Variants in ZSWIM7 observed in about 807,000 individuals in gnomAD.
ZSWIM7 encodes zinc finger SWIM-type containing 7.
In ZSWIM7, 22 loss-of-function variants were observed where a neutral mutation model predicts 21.1. That is an observed-to-expected ratio of 1.04 (90% CI 0.74 to 1.49). ZSWIM7 has a LOEUF of 1.49. Ranked by LOEUF, ZSWIM7 falls within the 40% of genes most tolerant of loss-of-function variation. The pLI is 0.00. For missense variants in ZSWIM7, 193 were observed against 168.0 expected, an observed-to-expected ratio of 1.15 and a Z score of -0.82; for synonymous variants, 67 against 66.5, an observed-to-expected ratio of 1.01 and a Z score of -0.04.
chr17:15,999,609 C>A lies in ZSWIM7; in HGVS notation c.-15G>T. ...ACTACGGCCATCGCGCCGCAGGACA[C>A]GCCCTCCACGACCGGCGGACCGCCG... On this transcript the variant is annotated 5_prime_UTR_variant, in exon 1 of 5. Transcript: ENST00000399277. 6.4e-7 allele frequency: 1 copy of A among 1,568,332 alleles called. No homozygotes were observed. Among genetic ancestry groups the A allele is most frequent in the Non-Finnish European group, 8.6e-7 (1 of 1,158,256 alleles).
intron 4 of ZSWIM7, 65 bp from the exon 5 acceptor site, chr17:15,978,228 G>T: frequency 8.8e-7 from 1 of 1,130,596 alleles, no homozygotes; most frequent in Middle Eastern, 2.0e-4. Context: ...GTCTAACCAA[G>T]ATTTCTCATT....
At chr17:15,981,248 G>T in intron 3 of ZSWIM7, 104 bp from the exon 4 acceptor site, 1 of 696,952 alleles carries the variant, frequency 1.4e-6, no homozygotes. Flanking sequence ...AAATTGCACC[G>T]AGAAGAACTG....
At chr17:15,997,304 A>T (rs1970567676) in intron 1 of ZSWIM7, among the ~76,000 whole-genome samples, 1 of 152,210 alleles carries the variant, frequency 6.6e-6, no homozygotes, top group African/African-American at 2.4e-5. Flanking sequence ...AGTCCATATT[A>T]AGCAAGTCCG....
chr17:15,992,043 C>A (rs1970493202), intron 2 of ZSWIM7, among the ~76,000 whole-genome samples: 1 of 151,886 alleles, frequency 6.6e-6, no homozygotes, highest in Admixed American at 6.6e-5. Context: ...TCTCCTGCCT[C>A]AGCCCCCCGA....
At chr17:15,995,260 C>A (rs1970535001) in intron 1 of ZSWIM7, among the ~76,000 whole-genome samples, 1 of 151,912 alleles carries the variant, frequency 6.6e-6, no homozygotes, top group African/African-American at 2.4e-5. Context: ...CACAGTAAGA[C>A]CCCGTCTCTC....
At chr17:15,993,633 T>C (rs1970511794) in intron 2 of ZSWIM7, 124 bp downstream of exon 2, 1 of 725,654 alleles carries the variant, frequency 1.4e-6, no homozygotes, top group Non-Finnish European at 2.3e-6. Flanking sequence ...CCCAAAGTGC[T>C]GGGATTATAG....
At chr17:15,980,826 A>G (rs1970346755) in intron 4 of ZSWIM7, among the ~76,000 whole-genome samples, 1 of 152,204 alleles carries the variant, frequency 6.6e-6, no homozygotes, top group African/African-American at 2.4e-5. Context: ...GATCTTTTAC[A>G]TAAAAATTCA....
chr17:15,979,571 A>G (rs1970322866), intron 4 of ZSWIM7, among the ~76,000 whole-genome samples: 1 of 151,338 alleles, frequency 6.6e-6, no homozygotes, highest in Non-Finnish European at 1.5e-5. Flanking sequence ...GTGGCCGGGC[A>G]GAGGCGCCCC....
At chr17:15,990,264 T>C (rs1259722586) in intron 2 of ZSWIM7, among the ~76,000 whole-genome samples, 1 of 151,224 alleles carries the variant, frequency 6.6e-6, no homozygotes, top group African/African-American at 2.4e-5. Context: ...TAAGAGTGAT[T>C]ATTACTGGGT....
intron 3 of ZSWIM7, 61 bp from the exon 4 acceptor site, chr17:15,981,205 C>T: frequency 7.9e-7 from 1 of 1,262,826 alleles, no homozygotes; most frequent in Non-Finnish European, 1.1e-6. Context: ...ACCTCTTTCC[C>T]TTTTTATTTA....
At chr17:15,984,879 C>T (rs1970391842) in intron 3 of ZSWIM7, among the ~76,000 whole-genome samples, 1 of 152,206 alleles carries the variant, frequency 6.6e-6, no homozygotes, top group African/African-American at 2.4e-5. Flanking sequence ...CAGCTGGCTC[C>T]TGGTGGATAC....
At position 15,987,250 on chromosome 17, in the gene ZSWIM7, A is replaced by T. The variant is rs536135306; in HGVS notation, c.201+16T>A. 1 of 1,602,986 alleles carries T rather than the reference A, an allele frequency of 6.2e-7. No homozygotes were observed. Among genetic ancestry groups the T allele is most frequent in the Non-Finnish European group, 8.5e-7 (1 of 1,174,254 alleles). Reference sequence around the variant, plus strand: ...AGGGGTTTCTGTAGGGATCACCCCCATCTCTAGACTTCTACCTGGTAAACA... The same window carrying T: ...AGGGGTTTCTGTAGGGATCACCCCCTTCTCTAGACTTCTACCTGGTAAACA... On this transcript the variant is annotated intron_variant, in intron 3 of 4. Coordinates refer to ENST00000399277, the MANE Select transcript of ZSWIM7 (RefSeq NM_001042697.2).
At chr17:15,998,606 C>T (rs1432826078) in intron 1 of ZSWIM7, among the ~76,000 whole-genome samples, 1 of 152,104 alleles carries the variant, frequency 6.6e-6, no homozygotes, top group Non-Finnish European at 1.5e-5. Context: ...ATACTCTGAA[C>T]ACATCTTGAG....
chr17:15,999,573 C>T lies in ZSWIM7; in HGVS notation c.22G>A (p.Val8Ile), dbSNP rs1014590402. The change falls in exon 1 of 5, where the codon GTT becomes ATT. Residue 8 changes from valine (V) to isoleucine (I), a missense_variant. Coordinates refer to ENST00000399277, the MANE Select transcript of ZSWIM7 (RefSeq NM_001042697.2). The part of the protein sequence containing the change: MAVVLPA[V>I]VEELLSEMAA... ...ATCTCGCTCAGGAGCTCCTCCACAACCGCCGGCAACACTACGGCCATCGCG... is the reference window on the plus strand; with the variant it reads ...ATCTCGCTCAGGAGCTCCTCCACAATCGCCGGCAACACTACGGCCATCGCG... The T allele has an allele frequency of 1.3e-6, 2 of 1,591,492 alleles. No individual in the cohort carries two copies. Among genetic ancestry groups the T allele is most frequent in the Non-Finnish European group, 8.5e-7 (1 of 1,170,208 alleles).
chr17:15,998,507 T>C (rs1022935045), intron 1 of ZSWIM7, among the ~76,000 whole-genome samples: 1 of 152,154 alleles, frequency 6.6e-6, no homozygotes, highest in Non-Finnish European at 1.5e-5. Context: ...ATGGCTGTTA[T>C]TTATAAGGTG....
intron 2 of ZSWIM7, among the ~76,000 whole-genome samples, chr17:15,992,438 G>GC (rs1338767955): frequency 4.8e-5 from 5 of 104,732 alleles, no homozygotes; most frequent in Non-Finnish European, 7.3e-5. Context: ...GAACAGCTAC[G>GC]CTTTTTTTTT....
rs1044039738 is a variant in ZSWIM7, at chr17:15,981,115, T to C, written c.231A>G (p.Thr77=). ...QVLGSSSKTY[T]CLASCHYCSC... The stretch of plus-strand genomic sequence containing the variant: ...AACAGTAATGACAAGAAGCCAAACA[T>C]GTGTATGTTTTACTGGAACTTCCAA... Residue 77 remains threonine (T), a synonymous_variant, in exon 4 of 5, where the codon ACA becomes ACG. Coordinates refer to ENST00000399277, the MANE Select transcript of ZSWIM7 (RefSeq NM_001042697.2). The C allele has an allele frequency of 6.2e-7, 1 of 1,612,512 alleles. No individual in the cohort carries two copies. Among genetic ancestry groups the C allele is most frequent in the Non-Finnish European group, 8.5e-7 (1 of 1,178,880 alleles).
intron 2 of ZSWIM7, among the ~76,000 whole-genome samples, chr17:15,989,736 TC>T (rs1970458917): frequency 6.6e-6 from 1 of 152,038 alleles, no homozygotes; most frequent in Admixed American, 6.6e-5. Flanking sequence ...GCTCAAGTGA[TC>T]CTCCCACCAC....
At chr17:15,991,355 C>T (rs544682095) in intron 2 of ZSWIM7, among the ~76,000 whole-genome samples, 5 of 152,214 alleles carry the variant, frequency 3.3e-5, no homozygotes, top group African/African-American at 1.2e-4. Context: ...TCTTTACAAA[C>T]ATCTATAATT....
Sources: gnomAD v4.1 joint callset for allele counts (sites outside exome capture counted in the v4.1 genomes callset) on GRCh38, gnomAD v4.1.1 for gene constraint, MANE v1.5 for transcripts, NCBI Gene and HGNC (gene_info 2026-07-23, HGNC 2026-07-21) for gene names.